MYLK2: variants seen among roughly 807,000 people sequenced by gnomAD.
MYLK2 encodes the protein myosin light chain kinase 2.
In MYLK2, 27 loss-of-function variants were observed where a neutral mutation model predicts 58.2. The observed-to-expected ratio is 0.46, with a 90% CI of 0.34 to 0.64. MYLK2 has a LOEUF of 0.64. MYLK2 is among the 30% of genes least tolerant of loss of function. MYLK2 has a pLI of 0.01. For synonymous variants in MYLK2, 310 were observed against 296.7 expected, an observed-to-expected ratio of 1.04 and a Z score of -0.46; for missense variants, 676 against 764.3, an observed-to-expected ratio of 0.88 and a Z score of 1.36.
In MYLK2 at chr20:31,826,782, G is replaced by T; in HGVS notation, c.1083-15G>T. 1 of 1,614,132 alleles carries T rather than the reference G, an allele frequency of 6.2e-7. No homozygotes were observed. Among genetic ancestry groups the T allele is most frequent in the Non-Finnish European group, 8.5e-7 (1 of 1,180,024 alleles). ...CCAGGCACGGAGCAAGCCGTGGAGG[G>T]GTCTGTGCACACAGCATCGAGGGCG... On this transcript the variant is annotated splice_polypyrimidine_tract_variant and intron_variant, in intron 7 of 12. Coordinates refer to ENST00000375985, the MANE Select transcript of MYLK2 (RefSeq NM_033118.4).
chr20:31,824,379 G>C, intron 6 of MYLK2, 27 bp downstream of exon 6: 1 of 1,594,314 alleles, frequency 6.3e-7, no homozygotes, highest in Non-Finnish European at 8.6e-7. Context: ...GGTGGTGGCT[G>C]CCCAGGATGG....
intron 8 of MYLK2, 98 bp downstream of exon 8, chr20:31,827,036 A>G: frequency 6.4e-7 from 1 of 1,573,446 alleles, no homozygotes; most frequent in South Asian, 1.2e-5. Context: ...CCATCCCTCC[A>G]TCTCTTCCTT....
intron 8 of MYLK2, 30 bp from the exon 9 acceptor site, chr20:31,830,789 G>T (rs1334382954): frequency 6.2e-7 from 1 of 1,611,232 alleles, no homozygotes; most frequent in Non-Finnish European, 8.5e-7. Flanking sequence ...CTGGTCAGAG[G>T]CCCACCCAGG....
intron 8 of MYLK2, chr20:31,827,242 G>A (rs2062285604): frequency 1.0e-6 from 1 of 985,326 alleles, no homozygotes; most frequent in Non-Finnish European, 1.2e-6. Flanking sequence ...AGCTCAGTGT[G>A]TCACACAGAC....
rs1288134459 is a variant in MYLK2, at chr20:31,821,543, CAGA to C, written c.584_586del (p.Glu195del). On this transcript the variant is annotated inframe_deletion, in exon 4 of 13. Transcript: ENST00000375985. Reference sequence around the variant, plus strand: ...CCCACGGATCCCAGGCCAGCCAAGGCAGAAGAAGGAAAGAACATCCTGGCAGAG... The same window carrying C: ...CCCACGGATCCCAGGCCAGCCAAGGCAGAAGGAAAGAACATCCTGGCAGAG... 3 of 1,613,936 alleles carry C rather than the reference CAGA, an allele frequency of 1.9e-6. No individual in the cohort carries two copies. The Admixed American group carries it at 5.0e-5, about 27-fold the overall frequency.
intron 6 of MYLK2, 55 bp from the exon 7 acceptor site, chr20:31,826,550 G>A (rs1188613241): frequency 6.2e-7 from 1 of 1,610,394 alleles, no homozygotes; most frequent in Admixed American, 1.7e-5. Flanking sequence ...TATGGAGGGT[G>A]GGTGGCAGGG....
At chr20:31,822,386 C>T (rs1271896084) in intron 4 of MYLK2, among the ~76,000 whole-genome samples, 3 of 152,056 alleles carry the variant, frequency 2.0e-5, no homozygotes, top group African/African-American at 7.2e-5. Flanking sequence ...GTCGTGGGAG[C>T]TATAGAGGGC....
In MYLK2 at chr20:31,833,883, A is replaced by G. The variant is rs543389794; in HGVS notation, c.*86A>G. 6.1e-5 allele frequency: 79 copies of G among 1,304,198 alleles called. No individual in the cohort carries two copies. Among genetic ancestry groups the G allele is most frequent in the Non-Finnish European group, 8.2e-5 (75 of 917,432 alleles). The allele number at this position is 1,304,198 out of a possible 1,614,324, so 80.8% of individuals were successfully genotyped here. ...GCCCAGAAGGCCAGAAAAGGCAGCC[A>G]GATCCCCAGGGCAGCCTCGTTAGGA... On this transcript the variant is annotated 3_prime_UTR_variant, in exon 13 of 13. Transcript: ENST00000375985.
chr20:31,820,224 A>G lies in MYLK2; in HGVS notation c.151A>G (p.Lys51Glu). 6.2e-7 allele frequency: 1 copy of G among 1,614,018 alleles called. No homozygotes were observed. Among genetic ancestry groups the G allele is most frequent in the Non-Finnish European group, 8.5e-7 (1 of 1,180,020 alleles). The change falls in exon 3 of 13, where the codon AAG becomes GAG. Residue 51 changes from lysine (K) to glutamate (E), a missense_variant. Lys to Glu is a moderately conservative substitution (Grantham distance 56, BLOSUM62 1). This residue lies in a region of MYLK2 where 306 missense variants were observed against 296.5 expected (regional missense o/e 1.03). Coordinates refer to ENST00000375985, the MANE Select transcript of MYLK2 (RefSeq NM_033118.4). Reference sequence around the variant, plus strand: ...GAAAGCTCCGGATCCACCCACCCTGAAGAAAGATGCCAAAGCCCCTGCCTC... The same window carrying G: ...GAAAGCTCCGGATCCACCCACCCTGGAGAAAGATGCCAAAGCCCCTGCCTC... ...PKKAPDPPTLKKDAKAPASEK... is the reference protein window; with the variant it reads ...PKKAPDPPTLEKDAKAPASEK...
At position 31,831,149 on chromosome 20, in the gene MYLK2, C is replaced by A. The variant is rs2062304481; in HGVS notation, c.1424+8C>A. 3 of 1,613,982 alleles carry A rather than the reference C, an allele frequency of 1.9e-6. No homozygotes were observed. The highest frequency in any genetic ancestry group is 1.3e-5 in the African/African-American group (1 of 74,990). On this transcript the variant is annotated splice_region_variant and intron_variant, in intron 10 of 12. Transcript: ENST00000375985. The stretch of plus-strand genomic sequence containing the variant: ...GGTGATCACCTACATGCTGTGAGCT[C>A]CCAGGCGGGTCGTGTTTATGGGGTT...
At chr20:31,831,946 G>T in intron 11 of MYLK2, 58 bp from the exon 12 acceptor site, 2 of 1,612,952 alleles carry the variant, frequency 1.2e-6, no homozygotes, top group South Asian at 1.1e-5. Flanking sequence ...GAGGCCAGCT[G>T]AGCCCCTGGG....
At position 31,820,536 on chromosome 20, in the gene MYLK2, A is replaced by T. The variant is rs140233643; in HGVS notation, c.463A>T (p.Ile155Phe). 5.4e-5 allele frequency: 87 copies of T among 1,600,880 alleles called. No individual in the cohort carries two copies. Among genetic ancestry groups the T allele is most frequent in the Admixed American group, 1.3e-4 (8 of 60,000 alleles). Residue 155 changes from isoleucine to phenylalanine, a missense_variant, in exon 3 of 13, where the codon ATC (isoleucine) becomes TTC (phenylalanine). This residue lies in a region of MYLK2 where 306 missense variants were observed against 296.5 expected (regional missense o/e 1.03). Coordinates refer to ENST00000375985, the MANE Select transcript of MYLK2 (RefSeq NM_033118.4). The part of the protein sequence containing the change: ...AFLHSPSCPA[I>F]ISSSEKLLAK... ...TCTGCATAGCCCCAGCTGTCCTGCCATCATCTCCAGGTGAATATCCCCTCC... is the reference window on the plus strand; with the variant it reads ...TCTGCATAGCCCCAGCTGTCCTGCCTTCATCTCCAGGTGAATATCCCCTCC...
In MYLK2 at chr20:31,821,476, G is replaced by T; in HGVS notation, c.511G>T (p.Ala171Ser). The T allele has an allele frequency of 1.2e-6, 2 of 1,613,848 alleles. No homozygotes were observed. Among genetic ancestry groups the T allele is most frequent in the Non-Finnish European group, 1.7e-6 (2 of 1,180,050 alleles). ...GCTGGCCAAGAAGCCCCCAAGCGAG[G>T]CATCAGAGCTCACCTTTGAAGGGGT... is the stretch of plus-strand genomic sequence containing the variant. Reference protein sequence around the residue: ...KLLAKKPPSEASELTFEGVPM... With the variant: ...KLLAKKPPSESSELTFEGVPM... Residue 171 changes from alanine to serine, a missense_variant, in exon 4 of 13, where the codon GCA becomes TCA. Ala to Ser is a moderately conservative substitution (Grantham distance 99, BLOSUM62 1). Coordinates refer to ENST00000375985, the MANE Select transcript of MYLK2 (RefSeq NM_033118.4).
chr20:31,825,439 A>G (rs921592060), intron 6 of MYLK2, among the ~76,000 whole-genome samples: 25 of 152,186 alleles, frequency 1.6e-4, no homozygotes, highest in African/African-American at 6.0e-4. Context: ...GGGGCTGGGG[A>G]AATGTCAGTG....
chr20:31,828,539 T>G lies in MYLK2; in HGVS notation c.1224+1601T>G, dbSNP rs1422719406. The G allele has an allele frequency of 6.1e-6, 6 of 981,412 alleles. No homozygotes were observed. In the South Asian group the frequency reaches 1.4e-4, roughly 23 times the overall value. The allele number at this position is 981,412 out of a possible 1,614,324, so 60.8% of individuals were successfully genotyped here. On this transcript the variant is annotated intron_variant, in intron 8 of 12. Coordinates refer to ENST00000375985, the MANE Select transcript of MYLK2 (RefSeq NM_033118.4). ...GAAATGGTCCCTGTCTCATGGAGCC[T>G]CCAGGGGAAACAGACATTCATAAAA...
At chr20:31,823,883 G>A (rs1240320565) in intron 5 of MYLK2, 1 of 943,304 alleles carries the variant, frequency 1.1e-6, no homozygotes, top group African/African-American at 1.8e-5. Context: ...GGTGATTCCT[G>A]CTTTGTAAAA....
chr20:31,834,029 G>A lies in MYLK2; in HGVS notation c.*232G>A. The A allele has an allele frequency of 1.8e-6, 1 of 566,158 alleles. No individual in the cohort carries two copies. Among genetic ancestry groups the A allele is most frequent in the Non-Finnish European group, 3.2e-6 (1 of 315,756 alleles). 35.1% of individuals were successfully genotyped at this position (566,158 alleles called of 1,614,324 possible). On this transcript the variant is annotated 3_prime_UTR_variant, in exon 13 of 13. Transcript: ENST00000375985. The stretch of plus-strand genomic sequence containing the variant: ...CATCCTGCTAGCACCTCCCCAGACA[G>A]GGCTCCAGCCTGTCGGCCACACCCC...
At position 31,820,456 on chromosome 20, in the gene MYLK2, T is replaced by A. The variant is rs764494869; in HGVS notation, c.383T>A (p.Val128Glu). Residue 128 changes from valine to glutamate, a missense_variant, in exon 3 of 13, where the codon GTG becomes GAG. Transcript: ENST00000375985. ...SGSQDPGKPR[V>E]GKKAAEGQAA... is the part of the protein sequence containing the mutation. ...AGCCAGGATCCTGGAAAGCCCAGGG[T>A]GGGCAAGAAGGCAGCAGAGGGCCAA... 5 of 1,611,820 alleles carry A rather than the reference T, an allele frequency of 3.1e-6. No individual in the cohort carries two copies. The highest frequency in any genetic ancestry group is 1.1e-5 in the South Asian group (1 of 91,068).
intron 10 of MYLK2, 55 bp from the exon 11 acceptor site, chr20:31,831,648 G>A: frequency 1.2e-6 from 2 of 1,603,002 alleles, no homozygotes; most frequent in South Asian, 2.2e-5. Context: ...CCCTCTGAAG[G>A]TGACTCAGCA....
Sources: allele counts gnomAD v4.1 joint callset (sites outside exome capture counted in the v4.1 genomes callset), GRCh38; gene constraint gnomAD v4.1.1; regional missense constraint gnomAD v4.1.1; transcripts MANE v1.5; gene names NCBI Gene and HGNC (gene_info 2026-07-23, HGNC 2026-07-21).